The following NOL10 variants were observed in gnomAD, a reference collection of about 807,000 sequenced individuals.
The protein encoded by NOL10 is H_NH0074G24.1.
In NOL10, 58 loss-of-function variants were observed where a neutral mutation model predicts 103.5. The ratio of observed to expected loss-of-function variants is 0.56; its 90% confidence interval spans 0.45 to 0.70. NOL10 has a LOEUF of 0.70. Ranked by LOEUF, NOL10 falls within the 30% of genes least tolerant of loss-of-function variation. The probability of loss-of-function intolerance (pLI) is 0.00; values close to 1 mark genes in which losing one functional copy is unlikely to be tolerated. For missense variants in NOL10, 763 were observed against 807.3 expected, an observed-to-expected ratio of 0.95 and a Z score of 0.67; for synonymous variants, 287 against 282.5, an observed-to-expected ratio of 1.02 and a Z score of -0.16.
At chr2:10,648,336 T>C (rs559888957) in intron 12 of NOL10, among the ~76,000 whole-genome samples, 3 of 151,906 alleles carry the variant, frequency 2.0e-5, no homozygotes, top group South Asian at 2.1e-4. Flanking sequence ...ACACAAAGAG[T>C]TGAACGGGAG....
At chr2:10,636,053 A>G (rs1678186122) in intron 13 of NOL10, among the ~76,000 whole-genome samples, 2 of 151,892 alleles carry the variant, frequency 1.3e-5, no homozygotes, top group African/African-American at 2.4e-5. Context: ...ATGCTCAGCT[A>G]TTTTTTTGTA....
chr2:10,608,069 G>A (rs1412122599), intron 13 of NOL10, among the ~76,000 whole-genome samples: 1 of 152,116 alleles, frequency 6.6e-6, no homozygotes, highest in Non-Finnish European at 1.5e-5. Flanking sequence ...AGTACTACGT[G>A]AGGTGATGCA....
chr2:10,615,058 C>T (rs1676761088), intron 13 of NOL10, among the ~76,000 whole-genome samples: 1 of 152,150 alleles, frequency 6.6e-6, no homozygotes, highest in Admixed American at 6.6e-5. Flanking sequence ...CTGGGTGAGC[C>T]AGAGGGAGTG....
chr2:10,668,721 G>A lies in NOL10; in HGVS notation c.467C>T (p.Ser156Phe). 1 of 1,458,566 alleles carries A rather than the reference G, an allele frequency of 6.9e-7. No homozygotes were observed. Among genetic ancestry groups the A allele is most frequent in the Non-Finnish European group, 9.3e-7 (1 of 1,071,478 alleles). The allele number at this position is 1,458,566 out of a possible 1,614,324, so 90.4% of individuals were successfully genotyped here. The stretch of plus-strand genomic sequence containing the variant: ...TTCTAAGTTTAACCTATAAACTTCA[G>A]AACTGTAAAGTAATAAAGAAAGTTA... ...SCDLYFVGAS[S>F]EVYRLNLEQG... The change falls in exon 7 of 21, where the codon TCT (serine) becomes TTT (phenylalanine). Residue 156 changes from serine to phenylalanine, a missense_variant and splice_region_variant. By Grantham distance (155) the Ser-to-Phe change is radical. Coordinates refer to ENST00000381685, the MANE Select transcript of NOL10 (RefSeq NM_024894.4).
At chr2:10,677,871 G>GTA (rs759421280) in intron 3 of NOL10, among the ~76,000 whole-genome samples, 9,503 of 145,924 alleles carry the variant, frequency 0.065, 997 homozygotes, top group African/African-American at 0.14. Context: ...GTGTGTGTGT[G>GTA]TATACACATA....
chr2:10,669,396 T>C (rs1475195535), intron 6 of NOL10, among the ~76,000 whole-genome samples: 1 of 149,804 alleles, frequency 6.7e-6, no homozygotes, highest in Admixed American at 6.7e-5. Context: ...GCCTGAATTT[T>C]TTCTTTTCTA....
At position 10,577,636 on chromosome 2, in the gene NOL10, C is replaced by A; in HGVS notation, c.1947G>T (p.Arg649Ser). Reference sequence around the variant, plus strand: ...AAAATAACAATAAAAGACAACTCACCCTCTTTAACGTGAATGTCAATTGTT... The same window carrying A: ...AAAATAACAATAAAAGACAACTCACACTCTTTAACGTGAATGTCAATTGTT... ...GSKQLTFTLK[R>S]SEQQKKQQEA... The change falls in exon 20 of 21, where the codon AGG becomes AGT. Residue 649 changes from arginine (R) to serine (S), a missense_variant and splice_region_variant. Arg to Ser is a moderately radical substitution (Grantham distance 110). Coordinates refer to ENST00000381685, the MANE Select transcript of NOL10 (RefSeq NM_024894.4). 1 of 1,599,544 alleles carries A rather than the reference C, an allele frequency of 6.3e-7. No homozygotes were observed. The highest frequency in any genetic ancestry group is 8.5e-7 in the Non-Finnish European group (1 of 1,169,712).
At chr2:10,605,883 A>G (rs947705162) in intron 14 of NOL10, among the ~76,000 whole-genome samples, 2 of 152,196 alleles carry the variant, frequency 1.3e-5, no homozygotes, top group African/African-American at 4.8e-5. Flanking sequence ...GTGCTATGAG[A>G]TATGGGTTAA....
intron 20 of NOL10, among the ~76,000 whole-genome samples, chr2:10,575,093 C>T (rs1246667515): frequency 2.0e-5 from 3 of 152,226 alleles, no homozygotes; most frequent in African/African-American, 7.2e-5. Flanking sequence ...TCACCACAGC[C>T]TCCAGCACTC....
intron 10 of NOL10, among the ~76,000 whole-genome samples, chr2:10,658,730 C>A (rs1261304385): frequency 6.6e-6 from 1 of 152,194 alleles, no homozygotes; most frequent in African/African-American, 2.4e-5. Flanking sequence ...GACTGTCTGA[C>A]CACAGAATTC....
intron 13 of NOL10, among the ~76,000 whole-genome samples, chr2:10,638,288 CA>C (rs911120412): frequency 1.3e-5 from 2 of 149,378 alleles, no homozygotes; most frequent in Admixed American, 1.3e-4. Context: ...CTGTCTCATT[CA>C]AAAATAACGT....
intron 12 of NOL10, 43 bp downstream of exon 12, chr2:10,654,438 T>C (rs1679686824): frequency 7.5e-7 from 1 of 1,330,936 alleles, no homozygotes; most frequent in Middle Eastern, 1.8e-4. Context: ...ACAGAATGCA[T>C]CTTTTTATTT....
At chr2:10,680,146 G>A (rs928732319) in intron 3 of NOL10, among the ~76,000 whole-genome samples, 2 of 151,900 alleles carry the variant, frequency 1.3e-5, no homozygotes, top group East Asian at 1.9e-4. Context: ...GTGTGGTGGC[G>A]AGCACCTGTA....
intron 20 of NOL10, among the ~76,000 whole-genome samples, chr2:10,574,067 A>C (rs1450751387): frequency 2.6e-5 from 4 of 152,232 alleles, no homozygotes; most frequent in African/African-American, 9.6e-5. Flanking sequence ...CTCTCCTTTG[A>C]AGCACTTGCC....
At chr2:10,622,498 G>A (rs866189289) in intron 13 of NOL10, among the ~76,000 whole-genome samples, 2,231 of 88,064 alleles carry the variant, frequency 0.025, 32 homozygotes, top group Non-Finnish European at 0.035. Context: ...CAAAAAAAAA[G>A]AGAGAAGAAA....
At chr2:10,590,885 G>A (rs1675357752) in intron 17 of NOL10, 1 of 152,200 alleles carries the variant, frequency 6.6e-6, no homozygotes, top group Non-Finnish European at 1.5e-5. Context: ...ACTCAGAATT[G>A]TTTGTCAATC....
chr2:10,587,182 CAT>C (rs1258775159), intron 19 of NOL10, among the ~76,000 whole-genome samples: 1,121 of 42,308 alleles, frequency 0.026, 253 homozygotes, highest in Middle Eastern at 0.06. Flanking sequence ...TATATATACA[CAT>C]ATATATACAC....
intron 20 of NOL10, among the ~76,000 whole-genome samples, chr2:10,573,297 G>A (rs915203379): frequency 1.3e-5 from 2 of 151,976 alleles, no homozygotes; most frequent in South Asian, 2.1e-4. Context: ...GGATTCAAGC[G>A]ATTCCCCTGC....
chr2:10,578,261 T>C (rs1226990287), intron 19 of NOL10, among the ~76,000 whole-genome samples: 2 of 152,218 alleles, frequency 1.3e-5, no homozygotes, highest in Admixed American at 6.5e-5. Flanking sequence ...TCACTCAGTC[T>C]TAACTCCGTA....
Sources: allele counts gnomAD v4.1 joint callset (sites outside exome capture counted in the v4.1 genomes callset), GRCh38; gene constraint gnomAD v4.1.1; transcripts MANE v1.5; gene names NCBI Gene and HGNC (gene_info 2026-07-23, HGNC 2026-07-21).